The following NEK7 variants were observed in gnomAD, a reference collection of about 807,000 sequenced individuals.
NEK7 encodes NIMA related kinase 7.
A neutral mutation model predicts 44.6 loss-of-function variants in NEK7; 18 were observed. The ratio of observed to expected loss-of-function variants is 0.40; its 90% confidence interval spans 0.28 to 0.60. The LOEUF (loss-of-function observed/expected upper bound fraction) is 0.60, where lower values mean the gene tolerates loss of function less well. NEK7 is among the 20% of genes least tolerant of loss of function. NEK7 has a pLI of 0.38. For synonymous variants in NEK7, 130 were observed against 121.1 expected (o/e 1.07, Z -0.48); for missense variants, 256 against 366.5 (o/e 0.70, Z 2.46).
chr1:198,188,894 G>T (rs371560008), intron 1 of NEK7, among the ~76,000 whole-genome samples: 45 of 152,224 alleles, frequency 3.0e-4, no homozygotes, highest in African/African-American at 1.0e-3. Flanking sequence ...CTCACAGAGG[G>T]TAAGTGGCAC....
chr1:198,196,625 C>G (rs6428438), intron 1 of NEK7, among the ~76,000 whole-genome samples: 2 of 152,054 alleles, frequency 1.3e-5, no homozygotes, highest in Non-Finnish European at 2.9e-5. Context: ...TGTGATTCTT[C>G]GAACTTTTTC....
chr1:198,321,331 C>T lies in NEK7; in HGVS notation c.*1809C>T, dbSNP rs1417241371. On this transcript the variant is annotated 3_prime_UTR_variant, in exon 10 of 10. Coordinates refer to ENST00000367385, the MANE Select transcript of NEK7 (RefSeq NM_133494.3). ...GGCTAGATGCATTTTTTTTCTCACA[C>T]TCTTAATGACTTTTAACATTTATAC... 1 of 152,076 alleles carries T rather than the reference C, an allele frequency of 6.6e-6. No individual in the cohort carries two copies. The allele number at this position is 152,076 out of a possible 1,614,324, so 9.4% of individuals were successfully genotyped here. A position where few individuals can be genotyped will look rare whatever the true frequency, so the allele number is the denominator to read the frequency against.
intron 9 of NEK7, among the ~76,000 whole-genome samples, chr1:198,312,666 A>T (rs1655226504): frequency 6.6e-6 from 1 of 151,794 alleles, no homozygotes; most frequent in East Asian, 2.0e-4. Flanking sequence ...TTCAAAGAAC[A>T]TCTTTATTTC....
At chr1:198,267,399 TTAAA>T (rs573744371) in intron 5 of NEK7, among the ~76,000 whole-genome samples, 213 of 152,080 alleles carry the variant, frequency 1.4e-3, no homozygotes, top group African/African-American at 5.0e-3. Flanking sequence ...TTGAGAAAAA[TTAAA>T]TAAGGAGTTT....
chr1:198,195,198 C>T lies in NEK7; in HGVS notation c.-28-37355C>T, dbSNP rs137860579. ...TTAAAAAAATTCTGAATTGCTAGGG[C>T]GATTGGGCATATATTTACAATAACT... On this transcript the variant is annotated intron_variant, in intron 1 of 9. Coordinates refer to ENST00000367385, the MANE Select transcript of NEK7 (RefSeq NM_133494.3). 1.0e-3 allele frequency among the ~76,000 whole-genome samples: 152 copies of T among 151,964 alleles called. 1 individual carries two copies. The highest frequency in any genetic ancestry group is 3.4e-3 in the African/African-American group (140 of 41,442).
At chr1:198,310,937 A>C (rs1571622040) in intron 9 of NEK7, among the ~76,000 whole-genome samples, 1 of 149,236 alleles carries the variant, frequency 6.7e-6, no homozygotes, top group African/African-American at 2.5e-5. Flanking sequence ...TTTTGGTTCC[A>C]TATGAACTTT....
At chr1:198,263,946 GTTTTAC>G (rs1653565697) in intron 4 of NEK7, among the ~76,000 whole-genome samples, 173 bp from the exon 5 acceptor site, 1 of 151,890 alleles carries the variant, frequency 6.6e-6, no homozygotes, top group Non-Finnish European at 1.5e-5. Flanking sequence ...TTTATACCTA[GTTTTAC>G]TTTTAATAAT....
At chr1:198,181,679 TAAAC>T (rs1664771300) in intron 1 of NEK7, among the ~76,000 whole-genome samples, 2 of 152,100 alleles carry the variant, frequency 1.3e-5, no homozygotes, top group South Asian at 2.1e-4. Flanking sequence ...CTGAAATAAA[TAAAC>T]AACAACAAAA....
intron 1 of NEK7, among the ~76,000 whole-genome samples, chr1:198,231,297 G>GTATATATATACATATA (rs1236094292): frequency 1.1e-5 from 1 of 90,212 alleles, no homozygotes; most frequent in Admixed American, 1.2e-4. Context: ...GTGTATGTGT[G>GTATATATATACATATA]TGTGTATATA....
chr1:198,227,427 C>G (rs1666258330), intron 1 of NEK7, among the ~76,000 whole-genome samples: 1 of 152,116 alleles, frequency 6.6e-6, no homozygotes, highest in African/African-American at 2.4e-5. Flanking sequence ...AGTTCTAGAT[C>G]CCTGAGGAAT....
At chr1:198,201,892 A>G (rs1043631925) in intron 1 of NEK7, among the ~76,000 whole-genome samples, 4 of 152,214 alleles carry the variant, frequency 2.6e-5, no homozygotes, top group African/African-American at 7.2e-5. Context: ...ATTTAAAAAT[A>G]TAGCATATAT....
At chr1:198,216,504 C>A (rs975692780) in intron 1 of NEK7, among the ~76,000 whole-genome samples, 1 of 151,728 alleles carries the variant, frequency 6.6e-6, no homozygotes, top group Non-Finnish European at 1.5e-5. Context: ...ATTGGCAACC[C>A]AATGTCACAC....
At chr1:198,212,368 C>G (rs765223125) in intron 1 of NEK7, among the ~76,000 whole-genome samples, 5 of 152,194 alleles carry the variant, frequency 3.3e-5, no homozygotes, top group African/African-American at 1.2e-4. Context: ...GCCTGGAATT[C>G]AGCTAGCCGC....
intron 1 of NEK7, among the ~76,000 whole-genome samples, chr1:198,188,572 C>T (rs1187455755): frequency 3.9e-5 from 6 of 151,986 alleles, no homozygotes; most frequent in African/African-American, 1.2e-4. Context: ...TACTTTGACC[C>T]GTGCCACTAG....
chr1:198,231,086 GTAAT>G lies in NEK7; in HGVS notation c.-28-1463_-28-1460del, dbSNP rs898547491. ...TACAATTCGTATTAAAATCAGACAC[GTAAT>G]TAAGTAAATATCAAGACTTTATAAT... On this transcript the variant is annotated intron_variant, in intron 1 of 9. Transcript: ENST00000367385. 7.9e-4 allele frequency among the ~76,000 whole-genome samples: 120 copies of G among 151,104 alleles called. 1 individual carries two copies. Among genetic ancestry groups the G allele is most frequent in the Admixed American group, 4.0e-4 (6 of 15,172 alleles).
intron 1 of NEK7, among the ~76,000 whole-genome samples, chr1:198,193,803 A>G (rs1194145712): frequency 6.6e-6 from 1 of 152,168 alleles, no homozygotes; most frequent in African/African-American, 2.4e-5. Flanking sequence ...ACCTCAAAAT[A>G]AGAGCCATAT....
At chr1:198,217,130 G>A (rs543160797) in intron 1 of NEK7, among the ~76,000 whole-genome samples, 10 of 152,112 alleles carry the variant, frequency 6.6e-5, no homozygotes, top group Non-Finnish European at 1.5e-4. Flanking sequence ...TGATATCAAA[G>A]CCAGGAAAGG....
chr1:198,319,011 TA>T (rs1273552191), intron 9 of NEK7, among the ~76,000 whole-genome samples: 2 of 152,168 alleles, frequency 1.3e-5, no homozygotes, highest in African/African-American at 4.8e-5. Context: ...GCCTTCCATT[TA>T]AACTTACAAT....
intron 1 of NEK7, among the ~76,000 whole-genome samples, chr1:198,192,454 G>C (rs1312737996): frequency 1.3e-5 from 2 of 151,930 alleles, no homozygotes; most frequent in East Asian, 3.9e-4. Flanking sequence ...AGATATGGGT[G>C]AGATAGGGTT....
Sources: allele counts gnomAD v4.1 joint callset (sites outside exome capture counted in the v4.1 genomes callset), GRCh38; gene constraint gnomAD v4.1.1; transcripts MANE v1.5; gene names NCBI Gene and HGNC (gene_info 2026-07-23, HGNC 2026-07-21).